Variants in RNF138 observed in about 807,000 individuals in gnomAD.
The protein encoded by RNF138 is E3 ubiquitin-protein ligase RNF138.
Under a neutral mutation model 31.0 loss-of-function variants are expected in RNF138, and 12 were observed. The ratio of observed to expected loss-of-function variants is 0.39; its 90% CI spans 0.25 to 0.63. The LOEUF is 0.63. Among genes scored for constraint, RNF138 ranks in the 20% least tolerant of loss-of-function variants. The pLI is 0.52. For missense variants in RNF138, 192 were observed against 300.1 expected (o/e 0.64, Z 2.66); for synonymous variants, 105 against 99.5 (o/e 1.06, Z -0.33).
In RNF138 at chr18:32,129,002, AGT is replaced by A. The variant is rs576315162; in HGVS notation, c.670-110_670-109del. On this transcript the variant is annotated intron_variant, in intron 7 of 7. Transcript: ENST00000261593. Reference sequence around the variant, plus strand: ...ATATATGTTTTACATAACTGTCCTGAGTGTGTGTAATGTGTGTCAAGATGTGT... The same window carrying A: ...ATATATGTTTTACATAACTGTCCTGAGTGTGTAATGTGTGTCAAGATGTGT... 929 of 682,696 alleles carry A rather than the reference AGT, an allele frequency of 1.4e-3. 18 individuals carry two copies. The highest frequency in any genetic ancestry group is 9.9e-3 in the Middle Eastern group (40 of 4,048). The allele number at this position is 682,696 out of a possible 1,614,324, so 42.3% of individuals were successfully genotyped here.
chr18:32,092,569 G>C, intron 1 of RNF138, 131 bp from the exon 2 acceptor site: 1 of 561,298 alleles, frequency 1.8e-6, no homozygotes, highest in Non-Finnish European at 3.2e-6. Flanking sequence ...CCGTGGGAGG[G>C]GTCGCCTCTT....
chr18:32,125,095 A>G (rs1568241197), intron 6 of RNF138: 1 of 325,334 alleles, frequency 3.1e-6, no homozygotes, highest in Non-Finnish European at 5.8e-6. Context: ...AGAAGAGTGA[A>G]GTAATGAAAG....
rs201905724 is a variant in RNF138, at chr18:32,128,642, TTGTG to T, written c.670-473_670-470del. Among the ~76,000 whole-genome samples, 1,005 of 152,350 alleles carry T rather than the reference TTGTG, an allele frequency of 6.6e-3. 14 individuals carry two copies. The highest frequency in any genetic ancestry group is 0.023 in the African/African-American group (972 of 41,582). On this transcript the variant is annotated intron_variant, in intron 7 of 7. Transcript: ENST00000261593. ...TTTTCTAGAGATGACACATTTATGATTGTGTGTTATGATTAACTTCAGTTTTATT... is the reference window on the plus strand; with the variant it reads ...TTTTCTAGAGATGACACATTTATGATTGTTATGATTAACTTCAGTTTTATT...
At chr18:32,126,559 G>A in intron 6 of RNF138, 134 bp from the exon 7 acceptor site, 1 of 537,426 alleles carries the variant, frequency 1.9e-6, no homozygotes. Flanking sequence ...ATCTAGTCAT[G>A]GAACTTGGCC....
intron 2 of RNF138, among the ~76,000 whole-genome samples, chr18:32,094,054 G>A (rs530526252): frequency 6.6e-6 from 1 of 152,146 alleles, no homozygotes; most frequent in Non-Finnish European, 1.5e-5. Flanking sequence ...GCCTCCCAAA[G>A]TGCTGGGATT....
Position 32,092,851 on chromosome 18 carries a change from CA to C in RNF138, c.79del (p.Thr27ArgfsTer18). ...FYCPVCQEVL[K>X]TPVRTTACQH... ...ACTGCCCCGTCTGTCAGGAGGTGCT[CA>C]AAACGCCCGTGCGGACCACGGCCTG... On this transcript the variant is annotated frameshift_variant, in exon 2 of 8. Coordinates refer to ENST00000261593, the MANE Select transcript of RNF138 (RefSeq NM_016271.5). LOFTEE classifies it high-confidence loss of function. 1 of 1,592,456 alleles carries C rather than the reference CA, an allele frequency of 6.3e-7. No homozygotes were observed. Among genetic ancestry groups the C allele is most frequent in the South Asian group, 1.1e-5 (1 of 87,156 alleles).
chr18:32,116,515 C>CT (rs573273752), intron 4 of RNF138, among the ~76,000 whole-genome samples: 233 of 127,756 alleles, frequency 1.8e-3, no homozygotes, highest in Admixed American at 4.3e-3. Flanking sequence ...GAAGGAAAAG[C>CT]TTTTTTTTTT....
intron 4 of RNF138, among the ~76,000 whole-genome samples, chr18:32,118,537 AAAT>A (rs2040252367): frequency 6.6e-6 from 1 of 151,244 alleles, no homozygotes; most frequent in East Asian, 1.9e-4. Context: ...CTTTCTCAAA[AAAT>A]AATAATAATG....
chr18:32,092,934 C>G lies in RNF138; in HGVS notation c.110+48C>G, dbSNP rs773830705. 3.0e-5 allele frequency: 35 copies of G among 1,156,840 alleles called. No homozygotes were observed. The African/African-American group carries it at 5.5e-4, about 18-fold the overall frequency. 71.7% of individuals were successfully genotyped at this position (1,156,840 alleles called of 1,614,324 possible). ...TCGCGGAGCCGGGTTGTCGCTTAGG[C>G]CCGGCCTCCGGCCCGGGACCCCGGG... On this transcript the variant is annotated intron_variant, in intron 2 of 7. Coordinates refer to ENST00000261593, the MANE Select transcript of RNF138 (RefSeq NM_016271.5).
At chr18:32,120,431 A>G (rs1051129477) in intron 4 of RNF138, among the ~76,000 whole-genome samples, 2 of 152,246 alleles carry the variant, frequency 1.3e-5, no homozygotes, top group African/African-American at 2.4e-5. Context: ...CAAGTGTGAT[A>G]TAGAACATTA....
intron 2 of RNF138, among the ~76,000 whole-genome samples, chr18:32,107,053 G>A (rs1055519638): frequency 6.6e-6 from 1 of 150,904 alleles, no homozygotes; most frequent in African/African-American, 2.4e-5. Context: ...TATGGCTACT[G>A]GGCCACTGGA....
At chr18:32,128,766 C>A (rs1033920120) in intron 7 of RNF138, among the ~76,000 whole-genome samples, 1 of 152,138 alleles carries the variant, frequency 6.6e-6, no homozygotes, top group Non-Finnish European at 1.5e-5. Flanking sequence ...TCTGCCTCAG[C>A]CTCCTGAATA....
At chr18:32,126,048 G>T (rs961321488) in intron 6 of RNF138, among the ~76,000 whole-genome samples, 1 of 152,106 alleles carries the variant, frequency 6.6e-6, no homozygotes, top group African/African-American at 2.4e-5. Flanking sequence ...AAGGTTTTTT[G>T]TGTGTTATTT....
At chr18:32,114,359 G>T (rs777361070) in intron 4 of RNF138, among the ~76,000 whole-genome samples, 4 of 152,014 alleles carry the variant, frequency 2.6e-5, no homozygotes, top group Non-Finnish European at 5.9e-5. Flanking sequence ...GGATTGATTT[G>T]TATCTTATCT....
chr18:32,100,195 GA>G (rs1346550689), intron 2 of RNF138, among the ~76,000 whole-genome samples: 1 of 144,238 alleles, frequency 6.9e-6, no homozygotes, highest in African/African-American at 2.8e-5. Flanking sequence ...GGGTGTTAGT[GA>G]TTGAGATATA....
chr18:32,101,670 A>G (rs572678725), intron 2 of RNF138, among the ~76,000 whole-genome samples: 3 of 152,318 alleles, frequency 2.0e-5, no homozygotes, highest in Admixed American at 6.5e-5. Flanking sequence ...TGCTATTTTC[A>G]TAAATGTCAT....
intron 2 of RNF138, among the ~76,000 whole-genome samples, chr18:32,093,249 A>G (rs989851165): frequency 4.6e-5 from 7 of 152,084 alleles, no homozygotes; most frequent in African/African-American, 9.7e-5. Flanking sequence ...GAGGAATTGC[A>G]GGGATCTTGG....
At chr18:32,126,922 G>A in intron 7 of RNF138, 122 bp downstream of exon 7, 1 of 590,652 alleles carries the variant, frequency 1.7e-6, no homozygotes, top group South Asian at 2.4e-5. Context: ...TTTAGAGCAA[G>A]TTCTTAGGTT....
At chr18:32,104,960 A>T (rs1208443498) in intron 2 of RNF138, among the ~76,000 whole-genome samples, 1 of 152,238 alleles carries the variant, frequency 6.6e-6, no homozygotes. Flanking sequence ...ACATGCAGAT[A>T]GCACAACCCT....
Sources: gnomAD v4.1 joint callset for allele counts (sites outside exome capture counted in the v4.1 genomes callset) on GRCh38, gnomAD v4.1.1 for gene constraint, MANE v1.5 for transcripts, NCBI Gene and HGNC (gene_info 2026-07-23, HGNC 2026-07-21) for gene names.